Variants in TMEM131L observed in about 807,000 individuals in gnomAD.
TMEM131L encodes the protein transmembrane protein 131-like.
In TMEM131L, 54 loss-of-function variants were observed where a neutral mutation model predicts 192.2. The observed-to-expected ratio is 0.28, with a 90% CI of 0.23 to 0.35. TMEM131L has a LOEUF of 0.35. Among genes scored for constraint, TMEM131L ranks in the 10% least tolerant of loss-of-function variants. The pLI is 1.00. For synonymous variants in TMEM131L, 701 were observed against 704.9 expected (o/e 0.99, Z 0.09); for missense variants, 1,888 against 1,972.9 (o/e 0.96, Z 0.82).
chr4:153,582,420 G>A lies in TMEM131L; in HGVS notation c.893-770G>A, dbSNP rs1306590173. On this transcript the variant is annotated intron_variant, in intron 9 of 34. Coordinates refer to ENST00000409959, the MANE Select transcript of TMEM131L (RefSeq NM_001131007.2). The stretch of plus-strand genomic sequence containing the variant: ...CCACTATGCCTGGCTAATTTAAACC[G>A]TTTTTTTTTGTTGTTTTTTTTTTTT... Among the ~76,000 whole-genome samples, 9 of 81,844 alleles carry A rather than the reference G, an allele frequency of 1.1e-4. No individual in the cohort carries two copies. The East Asian group carries it at 1.5e-3, about 13-fold the overall frequency. The allele number at this position is 81,844 out of a possible 152,430, so 53.7% of individuals were successfully genotyped here.
chr4:153,498,637 T>C (rs1247289680), intron 3 of TMEM131L, among the ~76,000 whole-genome samples: 2 of 152,158 alleles, frequency 1.3e-5, no homozygotes, highest in East Asian at 1.9e-4. Flanking sequence ...CCTTAGGGTT[T>C]ATAGAGAGTG....
chr4:153,515,299 C>T (rs114311931), intron 3 of TMEM131L, among the ~76,000 whole-genome samples: 2,067 of 152,316 alleles, frequency 0.014, 51 homozygotes, highest in African/African-American at 0.046. Flanking sequence ...CTTTCTGTCT[C>T]TATAAATTTG....
chr4:153,596,272 G>T lies in TMEM131L; in HGVS notation c.2010G>T (p.Glu670Asp), dbSNP rs1476635049. The T allele has an allele frequency of 6.2e-7, 1 of 1,613,846 alleles. No individual in the cohort carries two copies. The highest frequency in any genetic ancestry group is 8.5e-7 in the Non-Finnish European group (1 of 1,179,810). ...TTAATTTGCAGGGTACGCATTCTGA[G>T]GAATCCAGGTTTGGCATCCTCCACT... ...EACPYLGTHS[E>D]ESRFGILHLH... The change falls in exon 20 of 35, where the codon GAG (glutamate) becomes GAT (aspartate). Residue 670 changes from glutamate to aspartate, a missense_variant. Coordinates refer to ENST00000409959, the MANE Select transcript of TMEM131L (RefSeq NM_001131007.2).
intron 24 of TMEM131L, 71 bp from the exon 25 acceptor site, chr4:153,603,731 G>C: frequency 6.9e-7 from 1 of 1,459,190 alleles, no homozygotes; most frequent in Non-Finnish European, 9.2e-7. Context: ...TTTTCTCATG[G>C]ATATGGAAGC....
intron 3 of TMEM131L, among the ~76,000 whole-genome samples, chr4:153,477,638 C>G (rs1180970694): frequency 6.6e-6 from 1 of 151,964 alleles, no homozygotes; most frequent in Non-Finnish European, 1.5e-5. Flanking sequence ...TACTTGCAAG[C>G]ATATACATGG....
At chr4:153,612,165 C>A in intron 25 of TMEM131L, 87 bp from the exon 26 acceptor site, 1 of 944,952 alleles carries the variant, frequency 1.1e-6, no homozygotes, top group South Asian at 2.1e-5. Context: ...CTCATGAAGT[C>A]AAATTAGATG....
intron 3 of TMEM131L, among the ~76,000 whole-genome samples, chr4:153,548,686 A>G (rs1223119599): frequency 6.6e-6 from 1 of 152,216 alleles, no homozygotes; most frequent in East Asian, 1.9e-4. Context: ...AGGATAGAGA[A>G]AGAGAAGCTT....
intron 25 of TMEM131L, among the ~76,000 whole-genome samples, chr4:153,611,534 G>A (rs923804337): frequency 1.6e-4 from 24 of 152,136 alleles, no homozygotes; most frequent in African/African-American, 5.8e-4. Flanking sequence ...TATTCACATA[G>A]TTGTGCAGCC....
At chr4:153,514,740 AAAAT>A (rs1734590739) in intron 3 of TMEM131L, among the ~76,000 whole-genome samples, 1 of 152,222 alleles carries the variant, frequency 6.6e-6, no homozygotes, top group Admixed American at 6.5e-5. Context: ...AGAAAAATAA[AAAAT>A]AACAGCTTTA....
Position 153,558,281 on chromosome 4 carries a change from A to G in TMEM131L, c.573A>G (p.Arg191=). 6.2e-7 allele frequency: 1 copy of G among 1,600,014 alleles called. No homozygotes were observed. Among genetic ancestry groups the G allele is most frequent in the Non-Finnish European group, 8.6e-7 (1 of 1,168,852 alleles). ...SYHVSGIGTR[R]ISTEGSAKQL... is the part of the protein sequence containing the mutation. ...AGGTATCTGGAATTGGCACTCGTAG[A>G]ATCTCTACAGAAGGGTCTGCAAAGC... is the stretch of plus-strand genomic sequence containing the variant. Residue 191 remains arginine (R), a synonymous_variant, in exon 7 of 35, where the codon AGA becomes AGG. Coordinates refer to ENST00000409959, the MANE Select transcript of TMEM131L (RefSeq NM_001131007.2).
intron 3 of TMEM131L, among the ~76,000 whole-genome samples, chr4:153,507,846 G>C (rs770816799): frequency 4.6e-5 from 7 of 152,084 alleles, no homozygotes; most frequent in African/African-American, 9.7e-5. Context: ...TTACCAGACC[G>C]GTTCTACAGT....
chr4:153,568,231 G>T (rs573690260), intron 7 of TMEM131L, among the ~76,000 whole-genome samples: 1 of 152,160 alleles, frequency 6.6e-6, no homozygotes, highest in Non-Finnish European at 1.5e-5. Context: ...AAGGAGGGGC[G>T]CGTCATGAAG....
chr4:153,509,166 G>GA (rs1210961134), intron 3 of TMEM131L, among the ~76,000 whole-genome samples: 3 of 151,260 alleles, frequency 2.0e-5, no homozygotes, highest in Non-Finnish European at 4.4e-5. Flanking sequence ...GCAACATGGT[G>GA]AAACCCTGTC....
Position 153,627,647 on chromosome 4 carries a change from C to T in TMEM131L, c.4167C>T (p.Pro1389=). The T allele has an allele frequency of 6.2e-7, 1 of 1,614,092 alleles. No homozygotes were observed. Among genetic ancestry groups the T allele is most frequent in the Non-Finnish European group, 8.5e-7 (1 of 1,179,964 alleles). Residue 1389 remains proline, a synonymous_variant, in exon 31 of 35, where the codon CCC becomes CCT. Transcript: ENST00000409959. Reference sequence around the variant, plus strand: ...CACAATACGCAGAGCCTTCCTGTCCCAGCCTTCCTGCCGGGCCCACAGGTG... The same window carrying T: ...CACAATACGCAGAGCCTTCCTGTCCTAGCCTTCCTGCCGGGCCCACAGGTG... ...SLPQYAEPSC[P]SLPAGPTGVE...
chr4:153,585,668 A>C, intron 13 of TMEM131L, 57 bp downstream of exon 13: 1 of 1,178,560 alleles, frequency 8.5e-7, no homozygotes, highest in East Asian at 2.7e-5. Context: ...GTTTAAGGTC[A>C]GATGCTGTGA....
rs368760997 is a variant in TMEM131L, at chr4:153,591,141, G to T, written c.1759G>T (p.Ala587Ser). The change falls in exon 17 of 35, where the codon GCA becomes TCA. Residue 587 changes from alanine (A) to serine (S), a missense_variant. Ala to Ser is a moderately conservative substitution (Grantham distance 99). Transcript: ENST00000409959. ...SFVFFLPRLIAEPGLMLNFSA... is the reference protein window; with the variant it reads ...SFVFFLPRLISEPGLMLNFSA... ...TGTTTTCTTTTTGCCTCGTTTGATC[G>T]CAGAGCCTGGCCTCATGTTAAACTT... The T allele has an allele frequency of 8.3e-5, 134 of 1,610,808 alleles. No individual in the cohort carries two copies. Among genetic ancestry groups the T allele is most frequent in the Non-Finnish European group, 1.1e-4 (133 of 1,178,122 alleles).
rs1167551174 is a variant in TMEM131L at position 153,555,925 on chromosome 4, A to C, written c.432+15A>C. 11 of 1,546,974 alleles carry C rather than the reference A, an allele frequency of 7.1e-6. No homozygotes were observed. The highest frequency in any genetic ancestry group is 9.6e-6 in the Non-Finnish European group (11 of 1,144,652). ...TTCCCTGCAGGGTGGGTGTTGATGG[A>C]CTCCTGGAAACTATGCCGTGGCAGG... On this transcript the variant is annotated intron_variant, in intron 5 of 34. Coordinates refer to ENST00000409959, the MANE Select transcript of TMEM131L (RefSeq NM_001131007.2). This position sits in a 1 kb window ranked among gnomAD's most constrained non-coding sequence, Gnocchi z 4.1.
chr4:153,489,997 C>T (rs995936938), intron 3 of TMEM131L, among the ~76,000 whole-genome samples: 8 of 151,782 alleles, frequency 5.3e-5, no homozygotes, highest in African/African-American at 1.9e-4. Context: ...AGTTGATTCC[C>T]AGGCTGAAGC....
intron 25 of TMEM131L, among the ~76,000 whole-genome samples, chr4:153,605,928 T>G (rs1409031530): frequency 1.3e-5 from 2 of 152,350 alleles, no homozygotes; most frequent in East Asian, 3.9e-4. Flanking sequence ...ACATGCATTC[T>G]TGGTGCATTT....
Sources: gnomAD v4.1 joint callset for allele counts (sites outside exome capture counted in the v4.1 genomes callset) on GRCh38, gnomAD v4.1.1 for gene constraint, Gnocchi (gnomAD v3.1) non-coding constraint, MANE v1.5 for transcripts, NCBI Gene and HGNC (gene_info 2026-07-23, HGNC 2026-07-21) for gene names.